Variants in NAA15 observed in about 807,000 individuals in gnomAD.
The protein encoded by NAA15 is N-terminal acetyltransferase.
In NAA15, 34 loss-of-function variants were observed where a neutral mutation model predicts 114.0. The observed-to-expected ratio is 0.30, with a 90% CI of 0.23 to 0.40. NAA15 has a LOEUF of 0.40. NAA15 is among the 10% of genes least tolerant of loss of function. The pLI, the probability that NAA15 is intolerant of heterozygous loss-of-function variation, is 1.00. For synonymous variants in NAA15, 340 were observed against 338.0 expected (o/e 1.01, Z -0.06); for missense variants, 658 against 1,004.5 (o/e 0.66, Z 4.66).
rs76387518 is a variant in NAA15, at chr4:139,371,054, C to T, written c.1947+650C>T. On this transcript the variant is annotated intron_variant, in intron 15 of 19. Transcript: ENST00000296543. ...GATTAATAACATTCCTTTGTCCTTT[C>T]TTTTGACCCTAGACATCTTCCTGCT... is the stretch of plus-strand genomic sequence containing the variant. 9.8e-3 allele frequency among the ~76,000 whole-genome samples: 1,486 copies of T among 152,244 alleles called. 10 individuals are homozygous for T. Among genetic ancestry groups the T allele is most frequent in the Middle Eastern group, 0.02 (6 of 294 alleles).
chr4:139,347,542 G>A (rs1423376561), intron 6 of NAA15, among the ~76,000 whole-genome samples: 2 of 152,160 alleles, frequency 1.3e-5, no homozygotes, highest in South Asian at 2.1e-4. Context: ...GGAGGCTGCC[G>A]TAGGTGGAAG....
chr4:139,333,390 T>A (rs997452755), intron 1 of NAA15, among the ~76,000 whole-genome samples: 2 of 152,238 alleles, frequency 1.3e-5, no homozygotes, highest in Non-Finnish European at 1.5e-5. Context: ...AGATCTTTTT[T>A]ATGTGACTTG....
intron 1 of NAA15, among the ~76,000 whole-genome samples, chr4:139,303,319 T>G (rs1250812578): frequency 1.3e-5 from 2 of 152,240 alleles, no homozygotes; most frequent in Non-Finnish European, 2.9e-5. Context: ...AACATAAGTT[T>G]AGAATAGCAA....
chr4:139,313,342 A>G (rs1311830792), intron 1 of NAA15, among the ~76,000 whole-genome samples: 1 of 151,940 alleles, frequency 6.6e-6, no homozygotes, highest in East Asian at 1.9e-4. Flanking sequence ...GATTACCTTT[A>G]ATTATCAATG....
chr4:139,352,368 C>G (rs551054175), intron 9 of NAA15, among the ~76,000 whole-genome samples: 25 of 152,130 alleles, frequency 1.6e-4, no homozygotes, highest in Middle Eastern at 3.4e-3. Flanking sequence ...CTCGGCCTCC[C>G]AAAGTGCTGG....
Position 139,336,533 on chromosome 4 carries a change from C to T in NAA15, c.140-315C>T, listed in dbSNP as rs569296376. 2.6e-5 allele frequency among the ~76,000 whole-genome samples: 4 copies of T among 151,556 alleles called. No homozygotes were observed. In the South Asian group the frequency reaches 8.4e-4, roughly 32 times the overall value. ...AATGAAGTAGATATGTAAGGTTATC[C>T]CATGGAATTCCCCTGAAGAATGAAT... On this transcript the variant is annotated intron_variant, in intron 2 of 19. Transcript: ENST00000296543.
intron 1 of NAA15, among the ~76,000 whole-genome samples, chr4:139,303,986 C>T (rs1197208016): frequency 6.6e-6 from 1 of 152,124 alleles, no homozygotes; most frequent in African/African-American, 2.4e-5. Flanking sequence ...GGCGCGATCT[C>T]GGCTCACTGC....
rs116583040 is a variant in NAA15 at position 139,381,360 on chromosome 4, A to G, written c.2155+2506A>G. Among the ~76,000 whole-genome samples, 962 of 152,154 alleles carry G rather than the reference A, an allele frequency of 6.3e-3. 8 individuals are homozygous for G. Among genetic ancestry groups the G allele is most frequent in the African/African-American group, 0.022 (929 of 41,550 alleles). Reference sequence around the variant, plus strand: ...TGTCTTATTATTTTCTTAAATGTTTATATTCTCCTAACTGCTTTTAAAATT... The same window carrying G: ...TGTCTTATTATTTTCTTAAATGTTTGTATTCTCCTAACTGCTTTTAAAATT... On this transcript the variant is annotated intron_variant, in intron 17 of 19. Transcript: ENST00000296543.
intron 4 of NAA15, among the ~76,000 whole-genome samples, chr4:139,341,477 CTAGCTA>C (rs1747386560): frequency 6.7e-6 from 1 of 148,724 alleles, no homozygotes; most frequent in Non-Finnish European, 1.5e-5. Flanking sequence ...TGCCTGTAGT[CTAGCTA>C]CTCAGGAGGC....
chr4:139,307,807 A>G (rs1375611828), intron 1 of NAA15, among the ~76,000 whole-genome samples: 4 of 152,106 alleles, frequency 2.6e-5, no homozygotes. Flanking sequence ...AGTCTGGAAT[A>G]AAACTTTTTT....
At chr4:139,368,852 G>A (rs1276610925) in intron 14 of NAA15, among the ~76,000 whole-genome samples, 2 of 152,088 alleles carry the variant, frequency 1.3e-5, no homozygotes, top group Non-Finnish European at 2.9e-5. Context: ...AATAAATACT[G>A]GATGAGCCTT....
In NAA15 at chr4:139,388,074, A is replaced by G. The variant is rs201822171; in HGVS notation, c.2591A>G (p.Asn864Ser). The change falls in exon 20 of 20, where the codon AAT becomes AGT. Residue 864 changes from asparagine (N) to serine (S), a missense_variant. Asn to Ser is a conservative substitution (Grantham distance 46, BLOSUM62 1). This residue lies in a region of NAA15 where 275 missense variants were observed against 371.1 expected (regional missense o/e 0.74). Transcript: ENST00000296543. ...TCTGCAGAAGCTGAAGAACTGGCCA[A>G]TGAAATTTGAACATCACTAAACAAG... ...DSSAEAEELA[N>S]EI is the part of the protein sequence containing the mutation. The G allele has an allele frequency of 3.3e-4, 531 of 1,613,580 alleles. 1 individual carries two copies. The highest frequency in any genetic ancestry group is 2.3e-3 in the East Asian group (104 of 44,832).
intron 1 of NAA15, among the ~76,000 whole-genome samples, chr4:139,314,778 A>G (rs966826766): frequency 2.0e-5 from 3 of 151,720 alleles, no homozygotes; most frequent in African/African-American, 7.3e-5. Context: ...CCCGGGTTCA[A>G]ACAATTCTCC....
chr4:139,377,848 T>A (rs922699565), intron 16 of NAA15, among the ~76,000 whole-genome samples: 5 of 152,166 alleles, frequency 3.3e-5, no homozygotes, highest in African/African-American at 7.2e-5. Context: ...CTCCCACTTT[T>A]AAAAAATTCT....
intron 16 of NAA15, among the ~76,000 whole-genome samples, 168 bp downstream of exon 16, chr4:139,376,641 T>C (rs1046439767): frequency 2.0e-5 from 3 of 152,200 alleles, no homozygotes; most frequent in African/African-American, 7.2e-5. Flanking sequence ...GATATAATGA[T>C]ATAATCACTT....
intron 1 of NAA15, among the ~76,000 whole-genome samples, chr4:139,306,245 TTTTG>T (rs1402700178): frequency 6.6e-6 from 1 of 152,174 alleles, no homozygotes; most frequent in Non-Finnish European, 1.5e-5. Context: ...GTTTATTTTA[TTTTG>T]TTTGTTTTTT....
chr4:139,314,030 G>A (rs1746303542), intron 1 of NAA15, among the ~76,000 whole-genome samples: 2 of 151,848 alleles, frequency 1.3e-5, no homozygotes, highest in Non-Finnish European at 2.9e-5. Context: ...AACTTAAAAT[G>A]GTAGTACTGT....
At chr4:139,343,006 TAAAA>T in intron 5 of NAA15, 46 bp downstream of exon 5, 1 of 1,518,722 alleles carries the variant, frequency 6.6e-7, no homozygotes, top group Non-Finnish European at 9.0e-7. Context: ...TAAGTATAAC[TAAAA>T]AAATAATGTG....
At chr4:139,320,505 C>G (rs1746559877) in intron 1 of NAA15, among the ~76,000 whole-genome samples, 1 of 151,922 alleles carries the variant, frequency 6.6e-6, no homozygotes, top group Non-Finnish European at 1.5e-5. Context: ...GAATGTTTCC[C>G]CGGGTTTTTT....
Sources: allele counts gnomAD v4.1 joint callset (sites outside exome capture counted in the v4.1 genomes callset), GRCh38; gene constraint gnomAD v4.1.1; regional missense constraint gnomAD v4.1.1; transcripts MANE v1.5; gene names NCBI Gene and HGNC (gene_info 2026-07-23, HGNC 2026-07-21).